CHSY3: variants seen among roughly 807,000 people sequenced by gnomAD.
CHSY3 encodes chondroitin sulfate synthase 3.
A neutral mutation model predicts 67.2 loss-of-function variants in CHSY3; 35 were observed. That is an observed-to-expected ratio of 0.52 (90% CI 0.40 to 0.69). CHSY3 has a LOEUF of 0.69. Among genes scored for constraint, CHSY3 ranks in the 30% least tolerant of loss-of-function variants. CHSY3 has a pLI of 0.00. For synonymous variants in CHSY3, 474 were observed against 434.7 expected (o/e 1.09, Z -1.12); for missense variants, 1,069 against 1,138.5 (o/e 0.94, Z 0.88).
chr5:130,033,633 A>G (rs1764766420), intron 2 of CHSY3, among the ~76,000 whole-genome samples: 1 of 152,196 alleles, frequency 6.6e-6, no homozygotes, highest in South Asian at 2.1e-4. Context: ...ACCAATTTTT[A>G]TGTACAAGAA....
At chr5:130,058,395 A>T (rs1432866996) in intron 2 of CHSY3, among the ~76,000 whole-genome samples, 1 of 152,178 alleles carries the variant, frequency 6.6e-6, no homozygotes, top group African/African-American at 2.4e-5. Context: ...TGGGAGGCTG[A>T]GGCAGGTGGA....
At chr5:129,962,485 G>A (rs1052419325) in intron 2 of CHSY3, among the ~76,000 whole-genome samples, 1 of 151,986 alleles carries the variant, frequency 6.6e-6, no homozygotes, top group Non-Finnish European at 1.5e-5. Flanking sequence ...CTGATTTGCA[G>A]CTGTATTTAT....
intron 2 of CHSY3, among the ~76,000 whole-genome samples, chr5:130,137,657 A>G (rs1458180655): frequency 6.6e-6 from 1 of 152,194 alleles, no homozygotes; most frequent in Non-Finnish European, 1.5e-5. Flanking sequence ...CTTTTATTAG[A>G]GTCAACAGTA....
At chr5:129,969,166 A>G (rs1175764560) in intron 2 of CHSY3, among the ~76,000 whole-genome samples, 1 of 151,702 alleles carries the variant, frequency 6.6e-6, no homozygotes, top group Non-Finnish European at 1.5e-5. Flanking sequence ...ATCCTTTCCT[A>G]TTTTCCTATA....
chr5:130,154,529 G>A (rs903249752), intron 2 of CHSY3, among the ~76,000 whole-genome samples: 1 of 152,102 alleles, frequency 6.6e-6, no homozygotes, highest in Non-Finnish European at 1.5e-5. Context: ...CCATGTTTTT[G>A]TGTGTCTATC....
chr5:130,058,608 A>C (rs910508808), intron 2 of CHSY3, among the ~76,000 whole-genome samples: 1 of 152,250 alleles, frequency 6.6e-6, no homozygotes, highest in African/African-American at 2.4e-5. Flanking sequence ...CCTGGACTAA[A>C]AGAGTGAAAC....
intron 2 of CHSY3, among the ~76,000 whole-genome samples, chr5:130,002,487 T>C (rs1763756017): frequency 1.3e-5 from 2 of 152,094 alleles, no homozygotes; most frequent in South Asian, 4.2e-4. Context: ...AAGCTGAGCT[T>C]GCATGGTCCC....
In CHSY3 at chr5:130,086,986, G is replaced by A. The variant is rs540782646; in HGVS notation, c.1087-97243G>A. Among the ~76,000 whole-genome samples, 730 of 152,092 alleles carry A rather than the reference G, an allele frequency of 4.8e-3. 5 individuals are homozygous for A. Among genetic ancestry groups the A allele is most frequent in the African/African-American group, 0.014 (594 of 41,508 alleles). On this transcript the variant is annotated intron_variant, in intron 2 of 2. Transcript: ENST00000305031. ...ATCCTCAATAAAATACTGGCAAACC[G>A]AATCCAGCAGCACATCAAAAAGCTT...
At chr5:130,093,795 T>C (rs1229601597) in intron 2 of CHSY3, among the ~76,000 whole-genome samples, 2 of 152,130 alleles carry the variant, frequency 1.3e-5, no homozygotes, top group Non-Finnish European at 2.9e-5. Flanking sequence ...TAGCCACTTA[T>C]GGTAACCACC....
intron 2 of CHSY3, among the ~76,000 whole-genome samples, chr5:129,962,182 T>G (rs773185101): frequency 2.0e-5 from 3 of 151,994 alleles, no homozygotes; most frequent in Non-Finnish European, 2.9e-5. Context: ...AGACTCAGAC[T>G]CAACACTACT....
At chr5:129,962,635 GCT>G (rs748555820) in intron 2 of CHSY3, among the ~76,000 whole-genome samples, 1 of 152,018 alleles carries the variant, frequency 6.6e-6, no homozygotes, top group Non-Finnish European at 1.5e-5. Flanking sequence ...TGCTTTTGCA[GCT>G]CTGTCTCATG....
At chr5:130,080,570 G>A (rs916211637) in intron 2 of CHSY3, among the ~76,000 whole-genome samples, 7 of 152,036 alleles carry the variant, frequency 4.6e-5, no homozygotes, top group African/African-American at 1.4e-4. Flanking sequence ...TGTAACTCTT[G>A]GAAAATAATC....
intron 2 of CHSY3, among the ~76,000 whole-genome samples, chr5:129,922,676 C>T (rs1393742593): frequency 6.6e-6 from 1 of 151,474 alleles, no homozygotes; most frequent in Non-Finnish European, 1.5e-5. Flanking sequence ...ATTTCTTAAT[C>T]ATATTATTTG....
chr5:129,917,771 C>T (rs2149580507), intron 2 of CHSY3, among the ~76,000 whole-genome samples: 1 of 152,278 alleles, frequency 6.6e-6, no homozygotes, highest in African/African-American at 2.4e-5. Context: ...TGGTTCCTGA[C>T]AGCGCAATAG....
At chr5:130,157,493 A>G (rs1032242514) in intron 2 of CHSY3, among the ~76,000 whole-genome samples, 1 of 152,234 alleles carries the variant, frequency 6.6e-6, no homozygotes, top group Non-Finnish European at 1.5e-5. Flanking sequence ...TGAGTTTGGC[A>G]ATGTTAGATG....
intron 2 of CHSY3, among the ~76,000 whole-genome samples, chr5:129,991,302 C>T (rs551097110): frequency 1.5e-4 from 23 of 152,078 alleles, no homozygotes; most frequent in Middle Eastern, 3.4e-3. Context: ...GCCAGTTGGA[C>T]TTCTGGAGAA....
At chr5:129,934,209 CAT>C (rs1761414399) in intron 2 of CHSY3, among the ~76,000 whole-genome samples, 1 of 152,108 alleles carries the variant, frequency 6.6e-6, no homozygotes, top group Middle Eastern at 3.4e-3. Context: ...ATGCTTATGA[CAT>C]AATATGTGAA....
Position 129,953,719 on chromosome 5 carries a change from TC to T in CHSY3, c.1086+45360del, listed in dbSNP as rs771407264. 9.5e-4 allele frequency among the ~76,000 whole-genome samples: 144 copies of T among 152,214 alleles called. 5 individuals are homozygous for T. The highest frequency in any genetic ancestry group is 7.9e-4 in the Non-Finnish European group (54 of 68,034). ...TCATTGTGGTTTTGATTTGCATTTC[TC>T]TAATGACCAGTGATGATGAGCTTTT... On this transcript the variant is annotated intron_variant, in intron 2 of 2. Coordinates refer to ENST00000305031, the MANE Select transcript of CHSY3 (RefSeq NM_175856.5).
At chr5:130,050,584 CATTT>C (rs1197805016) in intron 2 of CHSY3, among the ~76,000 whole-genome samples, 8 of 152,082 alleles carry the variant, frequency 5.3e-5, no homozygotes, top group Non-Finnish European at 1.0e-4. Context: ...AGTAAGCACT[CATTT>C]AGGAAGAAAA....
Sources: gnomAD v4.1 joint callset for allele counts (sites outside exome capture counted in the v4.1 genomes callset) on GRCh38, gnomAD v4.1.1 for gene constraint, MANE v1.5 for transcripts, NCBI Gene and HGNC (gene_info 2026-07-23, HGNC 2026-07-21) for gene names.